SLC6A13: variants seen among roughly 807,000 people sequenced by gnomAD.
SLC6A13 encodes the protein solute carrier family 6 member 13, also known as sodium- and chloride-dependent GABA transporter 2.
SLC6A13 carries 69 observed loss-of-function variants against 72.9 expected under a neutral mutation model. The ratio of observed to expected loss-of-function variants is 0.95; its 90% CI spans 0.78 to 1.16. The LOEUF is 1.16. SLC6A13 is among the 50% of genes most tolerant of loss of function. The probability of loss-of-function intolerance (pLI) is 0.00; values close to 1 mark genes in which losing one functional copy is unlikely to be tolerated. For synonymous variants in SLC6A13, 303 were observed against 303.0 expected, an observed-to-expected ratio of 1.00 and a Z score of 0.00; for missense variants, 735 against 760.5, an observed-to-expected ratio of 0.97 and a Z score of 0.39.
intron 7 of SLC6A13, among the ~76,000 whole-genome samples, chr12:233,070 C>T (rs1941777457): frequency 6.6e-6 from 1 of 152,250 alleles, no homozygotes; most frequent in South Asian, 2.1e-4. Context: ...AGTGTGTCTT[C>T]CACGTGCTGG....
In SLC6A13 at chr12:260,048, T is replaced by C. The variant is rs560948602; in HGVS notation, c.5A>G (p.Asp2Gly). 1.1e-5 allele frequency: 18 copies of C among 1,612,210 alleles called. No individual in the cohort carries two copies. The highest frequency in any genetic ancestry group is 1.5e-5 in the Non-Finnish European group (18 of 1,178,456). Residue 2 changes from aspartate (D) to glycine (G), a missense_variant, in exon 2 of 15, where the codon GAT becomes GGT. By Grantham distance (94) the Asp-to-Gly change is moderately conservative. Coordinates refer to ENST00000343164, the MANE Select transcript of SLC6A13 (RefSeq NM_016615.5). ...ACTGGTTGTGCCTGAGACCCTGCTATCCATCCCACCTGGAAAACAAGTGGG... is the reference window on the plus strand; with the variant it reads ...ACTGGTTGTGCCTGAGACCCTGCTACCCATCCCACCTGGAAAACAAGTGGG... M[D>G]SRVSGTTSNG...
intron 2 of SLC6A13, among the ~76,000 whole-genome samples, chr12:245,243 G>A (rs762031949): frequency 6.6e-5 from 10 of 152,336 alleles, no homozygotes; most frequent in African/African-American, 1.7e-4. Context: ...GGCAGAGTAC[G>A]CAGAAGGGCA....
intron 7 of SLC6A13, among the ~76,000 whole-genome samples, chr12:230,757 G>T (rs942462936): frequency 1.2e-4 from 18 of 152,128 alleles, no homozygotes; most frequent in Admixed American, 6.5e-5. Flanking sequence ...CTAAGCTTCT[G>T]TTTCTCCATC....
chr12:247,442 A>C (rs748231031), intron 2 of SLC6A13, among the ~76,000 whole-genome samples: 19 of 152,200 alleles, frequency 1.2e-4, no homozygotes, highest in Non-Finnish European at 2.6e-4. Context: ...ACATTTGCTG[A>C]AGCAATAAAG....
chr12:242,786 C>T (rs374959159), intron 3 of SLC6A13, 32 bp from the exon 4 acceptor site: 14 of 1,553,228 alleles, frequency 9.0e-6, no homozygotes, highest in African/African-American at 4.1e-5. Context: ...GGGCTAGGAA[C>T]GGTGGACAGC....
intron 14 of SLC6A13, 146 bp from the exon 15 acceptor site, chr12:221,216 C>T (rs1941194515): frequency 1.5e-6 from 2 of 1,329,624 alleles, no homozygotes; most frequent in Non-Finnish European, 2.0e-6. Context: ...CCTGTGTCTT[C>T]CCGAGACTTC....
intron 13 of SLC6A13, among the ~76,000 whole-genome samples, chr12:222,113 G>A (rs140555264): frequency 2.0e-4 from 30 of 152,336 alleles, no homozygotes; most frequent in African/African-American, 7.2e-4. Flanking sequence ...TGTAACAACA[G>A]CACTTCCTTT....
intron 4 of SLC6A13, among the ~76,000 whole-genome samples, chr12:241,925 G>T (rs898500920): frequency 6.6e-6 from 1 of 152,190 alleles, no homozygotes; most frequent in Non-Finnish European, 1.5e-5. Flanking sequence ...CATCTTTACT[G>T]TACCTTTCCT....
chr12:232,057 T>G (rs528275486), intron 7 of SLC6A13, among the ~76,000 whole-genome samples: 16 of 152,344 alleles, frequency 1.1e-4, no homozygotes, highest in African/African-American at 2.9e-4. Context: ...GGGGATGCCT[T>G]GTTGATCTGC....
In SLC6A13 at chr12:230,377, T is replaced by C. The variant is rs117688551; in HGVS notation, c.832-2709A>G. Among the ~76,000 whole-genome samples the C allele has an allele frequency of 2.3e-3, 357 of 152,216 alleles. 10 individuals are homozygous for C. The East Asian group carries it at 0.05, about 22-fold the overall frequency. On this transcript the variant is annotated intron_variant, in intron 7 of 14. Transcript: ENST00000343164. ...CTATCTACTATTTTTAGGAAGGCAA[T>C]GTTGTGTAATGGAAAAGCACAGCTT...
Position 223,998 on chromosome 12 carries a change from G to A in SLC6A13, c.1305C>T (p.Leu435=), listed in dbSNP as rs368789559. 7 of 1,612,782 alleles carry A rather than the reference G, an allele frequency of 4.3e-6. No homozygotes were observed. The highest frequency in any genetic ancestry group is 2.2e-5 in the East Asian group (1 of 44,708). The change falls in exon 11 of 15, where the codon CTC becomes CTT. Residue 435 remains leucine, a synonymous_variant. Transcript: ENST00000343164. ...VVSFLVGLIM[L]TEGGMYVFQL... is the part of the protein sequence containing the mutation. The stretch of plus-strand genomic sequence containing the variant: ...CCGCTTCCCAGGCCCTCACCTCTGT[G>A]AGCATGATCAGCCCCACAAGGAAGG...
At chr12:239,234 CCATTCCCACACCATTCCCTT>C (rs1942068929) in intron 4 of SLC6A13, among the ~76,000 whole-genome samples, 1 of 34,514 alleles carries the variant, frequency 2.9e-5, no homozygotes, top group Non-Finnish European at 1.8e-4. Context: ...TGTGTTGGAT[CCATTCCCACACCATTCCCTT>C]CAGCCACCGG....
chr12:224,052 T>C lies in SLC6A13; in HGVS notation c.1251A>G (p.Glu417=). ...PHVFRKKNRR[E]VLILGVSVVS... is the part of the protein sequence containing the mutation. Reference sequence around the variant, plus strand: ...CGACAGATACTCCAAGGATGAGGACTTCCCTCCGGTTCTTCTTGCGGAACA... The same window carrying C: ...CGACAGATACTCCAAGGATGAGGACCTCCCTCCGGTTCTTCTTGCGGAACA... The change falls in exon 11 of 15, where the codon GAA becomes GAG. Residue 417 remains glutamate (E), a synonymous_variant. Transcript: ENST00000343164. 1.2e-6 allele frequency: 2 copies of C among 1,613,994 alleles called. No homozygotes were observed. Among genetic ancestry groups the C allele is most frequent in the Non-Finnish European group, 1.7e-6 (2 of 1,179,982 alleles).
chr12:221,289 G>A (rs1565485925), intron 14 of SLC6A13, 87 bp downstream of exon 14: 3 of 1,409,054 alleles, frequency 2.1e-6, no homozygotes, highest in African/African-American at 1.4e-5. Context: ...CCACACAACG[G>A]TGTGCGCCCT....
At chr12:229,767 A>G (rs1426123140) in intron 7 of SLC6A13, among the ~76,000 whole-genome samples, 1 of 152,086 alleles carries the variant, frequency 6.6e-6, no homozygotes, top group African/African-American at 2.4e-5. Context: ...CCAAGGAAAC[A>G]CGCCGCGGCT....
chr12:233,676 G>A (rs1036260536), intron 7 of SLC6A13, among the ~76,000 whole-genome samples: 8 of 150,978 alleles, frequency 5.3e-5, no homozygotes, highest in East Asian at 1.9e-4. Flanking sequence ...TGTACGAAGC[G>A]GGTGGGGAGA....
chr12:255,243 A>G (rs1344940226), intron 2 of SLC6A13, among the ~76,000 whole-genome samples: 1 of 152,112 alleles, frequency 6.6e-6, no homozygotes, highest in Non-Finnish European at 1.5e-5. Context: ...AGAGGTCCTG[A>G]AGCTCCCAGG....
chr12:228,162 C>A (rs1213874431), intron 7 of SLC6A13, among the ~76,000 whole-genome samples: 2 of 151,998 alleles, frequency 1.3e-5, no homozygotes, highest in Non-Finnish European at 2.9e-5. Context: ...TCTCGGCTCA[C>A]AAAAAGGCAA....
intron 10 of SLC6A13, 103 bp from the exon 11 acceptor site, chr12:224,232 TG>T (rs1246632015): frequency 1.3e-6 from 2 of 1,501,872 alleles, no homozygotes; most frequent in African/African-American, 2.8e-5. Context: ...CCAGCCTCAC[TG>T]TCTCAGGTCC....
Sources: allele counts gnomAD v4.1 joint callset (sites outside exome capture counted in the v4.1 genomes callset), GRCh38; gene constraint gnomAD v4.1.1; transcripts MANE v1.5; gene names NCBI Gene and HGNC (gene_info 2026-07-23, HGNC 2026-07-21).